The following CABS1 variants were observed in gnomAD, a reference collection of about 807,000 sequenced individuals.
CABS1 encodes calcium binding protein, spermatid associated 1.
For synonymous variants in CABS1, 195 were observed against 169.0 expected (o/e 1.15, Z -1.19); for missense variants, 500 against 464.3 (o/e 1.08, Z -0.71).
In CABS1 at chr4:70,335,564, C is replaced by G; in HGVS notation, c.525C>G (p.Asp175Glu). 1 of 1,613,624 alleles carries G rather than the reference C, an allele frequency of 6.2e-7. No homozygotes were observed. Among genetic ancestry groups the G allele is most frequent in the African/African-American group, 1.3e-5 (1 of 74,998 alleles). Residue 175 changes from aspartate (D) to glutamate (E), a missense_variant, in exon 1 of 2, where the codon GAC (aspartate) becomes GAG (glutamate). Transcript: ENST00000273936. ...AGGACAGCAGTGCTGGTGTTGCTGA[C>G]GCTCCTGCCTTTCCACGTAAAAAGG... is the stretch of plus-strand genomic sequence containing the variant. ...TLKDSSAGVA[D>E]APAFPRKKDE...
Position 70,335,269 on chromosome 4 carries a change from CAGA to C in CABS1, c.234_236del (p.Glu78del). The C allele has an allele frequency of 6.2e-7, 1 of 1,613,636 alleles. No individual in the cohort carries two copies. Among genetic ancestry groups the C allele is most frequent in the Middle Eastern group, 1.7e-4 (1 of 6,050 alleles). ...ACAGCTAAAAAGGAAAAACTCAAAT[CAGA>C]AGATGATATGGGGACCGACTTTATT... is the stretch of plus-strand genomic sequence containing the variant. On this transcript the variant is annotated inframe_deletion, in exon 1 of 2. Transcript: ENST00000273936.
rs925260963 is a variant in CABS1 at position 70,336,210 on chromosome 4, G to A, written c.1171G>A (p.Asp391Asn). ...DIFELLKEEP[D>N]EFMI Reference sequence around the variant, plus strand: ...CTTTGAACTACTGAAAGAAGAACCCGATGAGTTCATGATTTAAAAGCAACA... The same window carrying A: ...CTTTGAACTACTGAAAGAAGAACCCAATGAGTTCATGATTTAAAAGCAACA... The change falls in exon 1 of 2, where the codon GAT becomes AAT. Residue 391 changes from aspartate (D) to asparagine (N), a missense_variant. Asp to Asn is a conservative substitution (Grantham distance 23). Coordinates refer to ENST00000273936, the MANE Select transcript of CABS1 (RefSeq NM_033122.4). The A allele has an allele frequency of 4.0e-5, 65 of 1,610,206 alleles. No homozygotes were observed. Among genetic ancestry groups the A allele is most frequent in the Non-Finnish European group, 5.3e-5 (62 of 1,178,370 alleles).
chr4:70,335,296 T>C lies in CABS1; in HGVS notation c.257T>C (p.Ile86Thr), dbSNP rs1465962799. 1.2e-6 allele frequency: 2 copies of C among 1,613,766 alleles called. No individual in the cohort carries two copies. Among genetic ancestry groups the C allele is most frequent in the South Asian group, 1.1e-5 (1 of 91,080 alleles). The change falls in exon 1 of 2, where the codon ATT (isoleucine) becomes ACT (threonine). Residue 86 changes from isoleucine (I) to threonine (T), a missense_variant. Physicochemically the swap from Ile to Thr is moderately conservative, Grantham distance 89 (BLOSUM62 -1). Coordinates refer to ENST00000273936, the MANE Select transcript of CABS1 (RefSeq NM_033122.4). ...GAAGATGATATGGGGACCGACTTTA[T>C]TAAGTCAACAACTCACCTACAGAAA... is the stretch of plus-strand genomic sequence containing the variant. ...KSEDDMGTDF[I>T]KSTTHLQKEI...
rs774871198 is a variant in CABS1, at chr4:70,335,551, C to T, written c.512C>T (p.Ala171Val). The T allele has an allele frequency of 3.1e-6, 5 of 1,613,710 alleles. No individual in the cohort carries two copies. In the Admixed American group the frequency reaches 6.7e-5, roughly 22 times the overall value. ...EVSGTLKDSSAGVADAPAFPR... is the reference protein window; with the variant it reads ...EVSGTLKDSSVGVADAPAFPR... ...TCTGGCACACTAAAGGACAGCAGTG[C>T]TGGTGTTGCTGACGCTCCTGCCTTT... Residue 171 changes from alanine (A) to valine (V), a missense_variant, in exon 1 of 2, where the codon GCT (alanine) becomes GTT (valine). Coordinates refer to ENST00000273936, the MANE Select transcript of CABS1 (RefSeq NM_033122.4).
rs182023781 is a variant in CABS1, at chr4:70,335,880, C to T, written c.841C>T (p.Arg281Trp). 486 of 1,613,502 alleles carry T rather than the reference C, an allele frequency of 3.0e-4. 7 individuals are homozygous for T. The East Asian group carries it at 0.01, about 33-fold the overall frequency. The change falls in exon 1 of 2, where the codon CGG (arginine) becomes TGG (tryptophan). Residue 281 changes from arginine (R) to tryptophan (W), a missense_variant. Coordinates refer to ENST00000273936, the MANE Select transcript of CABS1 (RefSeq NM_033122.4). ...TTSAEKDKDK[R>W]EDTLLTDEET... ...CTCTGCTGAAAAAGACAAAGATAAA[C>T]GGGAAGATACTCTGCTAACTGATGA...
chr4:70,336,599 G>A (rs1429897513), intron 1 of CABS1, among the ~76,000 whole-genome samples: 1 of 149,982 alleles, frequency 6.7e-6, no homozygotes, highest in Non-Finnish European at 1.5e-5. Context: ...TTATACTTAA[G>A]TGAGAATTAA....
chr4:70,336,438 G>T (rs544820706), intron 1 of CABS1, 92 bp downstream of exon 1: 1 of 547,294 alleles, frequency 1.8e-6, no homozygotes, highest in Non-Finnish European at 3.0e-6. Flanking sequence ...GCAGTGTAAG[G>T]GTCCCCCTAG....
rs149036625 is a variant in CABS1 at position 70,335,819 on chromosome 4, T to C, written c.780T>C (p.Ser260=). The C allele has an allele frequency of 3.7e-6, 6 of 1,613,600 alleles. No individual in the cohort carries two copies. The highest frequency in any genetic ancestry group is 5.1e-6 in the Non-Finnish European group (6 of 1,179,740). The change falls in exon 1 of 2, where the codon TCT becomes TCC. Residue 260 remains serine, a synonymous_variant. Coordinates refer to ENST00000273936, the MANE Select transcript of CABS1 (RefSeq NM_033122.4). ...DTSAVATLTD[S]DEKFITVFEL... ...GTGCTGTGGCTACATTAACTGACTC[T>C]GATGAGAAGTTTATCACTGTGTTTG...
Position 70,336,068 on chromosome 4 carries a change from G to T in CABS1, c.1029G>T (p.Leu343Phe), listed in dbSNP as rs140154037. ...LVEESSTEED[L>F]SETDNTETVP... ...AAGAATCATCTACAGAAGAAGATTT[G>T]TCTGAAACTGATAATACAGAGACTG... Residue 343 changes from leucine to phenylalanine, a missense_variant, in exon 1 of 2, where the codon TTG becomes TTT. Coordinates refer to ENST00000273936, the MANE Select transcript of CABS1 (RefSeq NM_033122.4). The T allele has an allele frequency of 2.5e-6, 4 of 1,613,308 alleles. No homozygotes were observed. The highest frequency in any genetic ancestry group is 3.4e-6 in the Non-Finnish European group (4 of 1,179,558).
rs1378665526 is a variant in CABS1, at chr4:70,335,168, A to T, written c.129A>T (p.Ser43=). ...CCAAATCAGAAACAACTATTACTTC[A>T]GAAGGAGACCACGTCACTTCAGTAA... The part of the protein sequence containing the change: ...AIPKSETTIT[S]EGDHVTSVNE... Residue 43 remains serine, a synonymous_variant, in exon 1 of 2, where the codon TCA becomes TCT. Coordinates refer to ENST00000273936, the MANE Select transcript of CABS1 (RefSeq NM_033122.4). 1.2e-6 allele frequency: 2 copies of T among 1,613,854 alleles called. No homozygotes were observed. Among genetic ancestry groups the T allele is most frequent in the Non-Finnish European group, 1.7e-6 (2 of 1,179,846 alleles).
At chr4:70,336,387 A>T in intron 1 of CABS1, 41 bp downstream of exon 1, 1 of 954,582 alleles carries the variant, frequency 1.0e-6, no homozygotes, top group Non-Finnish European at 1.5e-6. Context: ...TTAGGACTAC[A>T]GGTCATGTAA....
Position 70,336,394 on chromosome 4 carries a change from G to T in CABS1, c.*119+48G>T. ...GCAGATGCTTAGGACTACAGGTCAT[G>T]TAACAGATTTACGGAAACTTAGAAA... is the stretch of plus-strand genomic sequence containing the variant. On this transcript the variant is annotated intron_variant, in intron 1 of 1. Transcript: ENST00000273936. The T allele has an allele frequency of 5.7e-6, 5 of 877,544 alleles. No individual in the cohort carries two copies. The East Asian group carries it at 1.3e-4, about 22-fold the overall frequency. 54.4% of individuals were successfully genotyped at this position (877,544 alleles called of 1,614,324 possible). A position where few individuals can be genotyped will look rare whatever the true frequency, so the allele number is the denominator to read the frequency against.
At position 70,336,178 on chromosome 4, in the gene CABS1, C is replaced by T. The variant is rs1042426905; in HGVS notation, c.1139C>T (p.Thr380Met). The T allele has an allele frequency of 2.5e-6, 4 of 1,612,510 alleles. No individual in the cohort carries two copies. In the South Asian group the frequency reaches 3.3e-5, roughly 13 times the overall value. Residue 380 changes from threonine to methionine, a missense_variant, in exon 1 of 2, where the codon ACG becomes ATG. Coordinates refer to ENST00000273936, the MANE Select transcript of CABS1 (RefSeq NM_033122.4). ...DYKEDTSTTE[T>M]DIFELLKEEP... ...AAGGAAGACACCTCCACAACTGAAA[C>T]GGATATCTTTGAACTACTGAAAGAA...
Position 70,335,222 on chromosome 4 carries a change from A to G in CABS1, c.183A>G (p.Ser61=). 1 of 1,613,788 alleles carries G rather than the reference A, an allele frequency of 6.2e-7. No individual in the cohort carries two copies. Among genetic ancestry groups the G allele is most frequent in the African/African-American group, 1.3e-5 (1 of 75,020 alleles). The change falls in exon 1 of 2, where the codon TCA becomes TCG. Residue 61 remains serine, a synonymous_variant. Coordinates refer to ENST00000273936, the MANE Select transcript of CABS1 (RefSeq NM_033122.4). The part of the protein sequence containing the change: ...VNEYMLESDF[S]TTTDNKLTAK... ...AATATATGCTAGAAAGCGATTTTTC[A>G]ACAACTACAGACAACAAACTGACAG...
At position 70,336,233 on chromosome 4, in the gene CABS1, A is replaced by G. The variant is rs1471165800; in HGVS notation, c.*6A>G. 3 of 1,600,834 alleles carry G rather than the reference A, an allele frequency of 1.9e-6. No individual in the cohort carries two copies. Among genetic ancestry groups the G allele is most frequent in the East Asian group, 2.2e-5 (1 of 44,710 alleles). ...CCGATGAGTTCATGATTTAAAAGCAACAAAAGGGATACCATGTAGAATTGT... is the reference window on the plus strand; with the variant it reads ...CCGATGAGTTCATGATTTAAAAGCAGCAAAAGGGATACCATGTAGAATTGT... On this transcript the variant is annotated 3_prime_UTR_variant, in exon 1 of 2. Coordinates refer to ENST00000273936, the MANE Select transcript of CABS1 (RefSeq NM_033122.4).
At position 70,337,044 on chromosome 4, in the gene CABS1, C is replaced by A. The variant is rs1422361463; in HGVS notation, c.*198C>A. 2 of 152,242 alleles carry A rather than the reference C, an allele frequency of 1.3e-5. No homozygotes were observed. Among genetic ancestry groups the A allele is most frequent in the Non-Finnish European group, 2.9e-5 (2 of 67,878 alleles). 9.4% of individuals were successfully genotyped at this position (152,242 alleles called of 1,614,324 possible). On this transcript the variant is annotated 3_prime_UTR_variant, in exon 2 of 2. Transcript: ENST00000273936. ...GACATAAATCTTCATTCTTTTCTGG[C>A]ACAGACTACTTAAATGGGTCTGTTT... is the stretch of plus-strand genomic sequence containing the variant.
Position 70,335,854 on chromosome 4 carries a change from C to A in CABS1, c.815C>A (p.Thr272Asn), listed in dbSNP as rs561541971. 3.1e-6 allele frequency: 5 copies of A among 1,613,552 alleles called. No homozygotes were observed. The East Asian group carries it at 6.7e-5, about 22-fold the overall frequency. The change falls in exon 1 of 2, where the codon ACC becomes AAC. Residue 272 changes from threonine to asparagine, a missense_variant. By Grantham distance (65) the Thr-to-Asn change is moderately conservative (BLOSUM62 0). Coordinates refer to ENST00000273936, the MANE Select transcript of CABS1 (RefSeq NM_033122.4). Reference sequence around the variant, plus strand: ...TTTATCACTGTGTTTGAACTCACTACCTCTGCTGAAAAAGACAAAGATAAA... The same window carrying A: ...TTTATCACTGTGTTTGAACTCACTAACTCTGCTGAAAAAGACAAAGATAAA... ...EKFITVFELT[T>N]SAEKDKDKRE... is the part of the protein sequence containing the mutation.
rs753488880 is a variant in CABS1, at chr4:70,335,195, T to C, written c.156T>C (p.Asn52=). ...AAGGAGACCACGTCACTTCAGTAAA[T>C]GAATATATGCTAGAAAGCGATTTTT... ...TSEGDHVTSV[N]EYMLESDFST... is the part of the protein sequence containing the mutation. Residue 52 remains asparagine (N), a synonymous_variant, in exon 1 of 2, where the codon AAT becomes AAC. Coordinates refer to ENST00000273936, the MANE Select transcript of CABS1 (RefSeq NM_033122.4). 1 of 1,613,610 alleles carries C rather than the reference T, an allele frequency of 6.2e-7. No individual in the cohort carries two copies. Among genetic ancestry groups the C allele is most frequent in the Admixed American group, 1.7e-5 (1 of 59,954 alleles).
rs761840071 is a variant in CABS1, at chr4:70,335,874, G to T, written c.835G>T (p.Asp279Tyr). ...ELTTSAEKDK[D>Y]KREDTLLTDE... ...CACTACCTCTGCTGAAAAAGACAAA[G>T]ATAAACGGGAAGATACTCTGCTAAC... is the stretch of plus-strand genomic sequence containing the variant. The change falls in exon 1 of 2, where the codon GAT becomes TAT. Residue 279 changes from aspartate to tyrosine, a missense_variant. Transcript: ENST00000273936. 1.9e-6 allele frequency: 3 copies of T among 1,613,588 alleles called. No homozygotes were observed. The highest frequency in any genetic ancestry group is 2.5e-6 in the Non-Finnish European group (3 of 1,179,736).
Sources: allele counts gnomAD v4.1 joint callset (sites outside exome capture counted in the v4.1 genomes callset), GRCh38; gene constraint gnomAD v4.1.1; transcripts MANE v1.5; gene names NCBI Gene and HGNC (gene_info 2026-07-23, HGNC 2026-07-21).